The following TEK variants were observed in gnomAD, a reference collection of about 807,000 sequenced individuals.
TEK encodes TEK receptor tyrosine kinase, also known as angiopoietin-1 receptor.
TEK carries 43 observed loss-of-function variants against 131.8 expected under a neutral mutation model. The observed-to-expected ratio is 0.33, with a 90% CI of 0.26 to 0.42. The LOEUF (loss-of-function observed/expected upper bound fraction) is 0.42, where lower values mean the gene tolerates loss of function less well. TEK is among the 10% of genes least tolerant of loss of function. The probability of loss-of-function intolerance (pLI) is 1.00; values close to 1 mark genes in which losing one functional copy is unlikely to be tolerated. For synonymous variants in TEK, 580 were observed against 491.6 expected (o/e 1.18, Z -2.38); for missense variants, 1,162 against 1,384.4 (o/e 0.84, Z 2.55).
chr9:27,185,406 T>A, intron 8 of TEK, 79 bp from the exon 9 acceptor site: 3 of 1,554,774 alleles, frequency 1.9e-6, no homozygotes, highest in Non-Finnish European at 2.7e-6. Flanking sequence ...TATTAAACAA[T>A]GAGATGGGGT....
At chr9:27,219,020 A>T (rs1470256873) in intron 20 of TEK, among the ~76,000 whole-genome samples, 5 of 114,462 alleles carry the variant, frequency 4.4e-5, no homozygotes, top group Non-Finnish European at 1.9e-5. Flanking sequence ...AACACTAATG[A>T]CCTGGAGGCC....
At chr9:27,136,420 G>T (rs1434969474) in intron 1 of TEK, among the ~76,000 whole-genome samples, 1 of 152,112 alleles carries the variant, frequency 6.6e-6, no homozygotes, top group Non-Finnish European at 1.5e-5. Flanking sequence ...CTGAGCTGCG[G>T]CTTCAATTGA....
intron 18 of TEK, among the ~76,000 whole-genome samples, chr9:27,214,488 A>C (rs971006848): frequency 6.6e-5 from 10 of 152,192 alleles, no homozygotes; most frequent in African/African-American, 2.2e-4. Flanking sequence ...TGGGCACACC[A>C]AATTGTCTCT....
rs530378642 is a variant in TEK at position 27,158,258 on chromosome 9, C to T, written c.364+116C>T. The T allele has an allele frequency of 7.8e-4, 944 of 1,214,286 alleles. 7 individuals are homozygous for T. In the South Asian group the frequency reaches 0.011, roughly 14 times the overall value. 75.2% of individuals were successfully genotyped at this position (1,214,286 alleles called of 1,614,324 possible). A position where few individuals can be genotyped will look rare whatever the true frequency, so the allele number is the denominator to read the frequency against. On this transcript the variant is annotated intron_variant, in intron 2 of 22. Transcript: ENST00000380036. ...TGCACTACCTGAATGTAGAGCTTGA[C>T]GATCTTGCCTGTCTCTTTCCATGCA... is the stretch of plus-strand genomic sequence containing the variant.
At chr9:27,177,742 C>T (rs1731560808) in intron 6 of TEK, among the ~76,000 whole-genome samples, 1 of 152,070 alleles carries the variant, frequency 6.6e-6, no homozygotes, top group African/African-American at 2.4e-5. Context: ...AAGAGTGAAA[C>T]TCCATCTCAA....
chr9:27,222,058 G>A (rs558672027), intron 21 of TEK, among the ~76,000 whole-genome samples: 6 of 152,322 alleles, frequency 3.9e-5, no homozygotes, highest in Admixed American at 6.5e-5. Context: ...ACCTGATGGA[G>A]CTAAAAATCA....
intron 19 of TEK, 26 bp downstream of exon 19, chr9:27,217,784 G>T: frequency 1.3e-6 from 2 of 1,497,606 alleles, no homozygotes; most frequent in South Asian, 1.1e-5. Context: ...ATTGCCAAGG[G>T]ATTTTTTTTC....
At chr9:27,224,050 G>A (rs1335560131) in intron 21 of TEK, among the ~76,000 whole-genome samples, 1 of 152,180 alleles carries the variant, frequency 6.6e-6, no homozygotes, top group Non-Finnish European at 1.5e-5. Flanking sequence ...ATCCTCCTAT[G>A]TTTAAACCAG....
In TEK at chr9:27,197,478, C is replaced by G. The variant is rs1003721502; in HGVS notation, c.1788C>G (p.Asn596Lys). The G allele has an allele frequency of 1.2e-6, 2 of 1,614,080 alleles. No homozygotes were observed. The highest frequency in any genetic ancestry group is 1.7e-6 in the Non-Finnish European group (2 of 1,180,006). ...AGCAGAATATTAAAGTTCCAGGCAACTTGACTTCGGTGCTACTTAACAACT... is the reference window on the plus strand; with the variant it reads ...AGCAGAATATTAAAGTTCCAGGCAAGTTGACTTCGGTGCTACTTAACAACT... Reference protein sequence around the residue: ...SDQQNIKVPGNLTSVLLNNLH... With the variant: ...SDQQNIKVPGKLTSVLLNNLH... Residue 596 changes from asparagine to lysine, a missense_variant, in exon 12 of 23, where the codon AAC becomes AAG. Physicochemically the swap from Asn to Lys is moderately conservative, Grantham distance 94. This residue lies in a region of TEK where 477 missense variants were observed against 471.0 expected (regional missense o/e 1.01). Transcript: ENST00000380036.
chr9:27,228,971 G>A (rs771672793), intron 22 of TEK, among the ~76,000 whole-genome samples, 187 bp from the exon 23 acceptor site: 52 of 152,172 alleles, frequency 3.4e-4, no homozygotes, highest in African/African-American at 1.2e-3. Context: ...CTTGCAGAAC[G>A]CAAGGGGATG....
At chr9:27,201,639 A>C (rs182289366) in intron 12 of TEK, among the ~76,000 whole-genome samples, 1 of 152,328 alleles carries the variant, frequency 6.6e-6, no homozygotes, top group East Asian at 1.9e-4. Context: ...CCTAATTCTC[A>C]TAAATTGCCA....
rs762445487 is a variant in TEK at position 27,212,690 on chromosome 9, C to T, written c.2687-17C>T. ...TCAGGGCCACTGATGAGTCGATGCT[C>T]TCTTCCTTCCCTCCAGGCTACTTGT... is the stretch of plus-strand genomic sequence containing the variant. On this transcript the variant is annotated splice_polypyrimidine_tract_variant and intron_variant, in intron 16 of 22. Transcript: ENST00000380036. The T allele has an allele frequency of 6.2e-7, 1 of 1,614,012 alleles. No individual in the cohort carries two copies. The highest frequency in any genetic ancestry group is 8.5e-7 in the Non-Finnish European group (1 of 1,179,948).
At chr9:27,121,888 G>T (rs979592852) in intron 1 of TEK, among the ~76,000 whole-genome samples, 6 of 152,166 alleles carry the variant, frequency 3.9e-5, no homozygotes, top group Admixed American at 3.9e-4. Context: ...AGCATTTTGG[G>T]CGTGTAATTA....
intron 4 of TEK, 99 bp from the exon 5 acceptor site, chr9:27,172,517 C>A: frequency 6.6e-7 from 1 of 1,510,438 alleles, no homozygotes; most frequent in Non-Finnish European, 9.1e-7. Flanking sequence ...TCTTTATTCA[C>A]CATTGTCCAC....
At chr9:27,113,375 GGTCAA>G (rs1295590696) in intron 1 of TEK, among the ~76,000 whole-genome samples, 2 of 152,112 alleles carry the variant, frequency 1.3e-5, no homozygotes, top group African/African-American at 2.4e-5. Flanking sequence ...TGGATCATGA[GGTCAA>G]GAGATCAAGA....
intron 21 of TEK, among the ~76,000 whole-genome samples, chr9:27,226,733 AT>A (rs1168603847): frequency 2.6e-5 from 4 of 152,188 alleles, no homozygotes; most frequent in South Asian, 2.1e-4. Flanking sequence ...TAATAAAAAA[AT>A]AAAGATACAT....
intron 1 of TEK, among the ~76,000 whole-genome samples, chr9:27,141,637 A>G (rs1822728273): frequency 6.6e-6 from 1 of 152,210 alleles, no homozygotes; most frequent in African/African-American, 2.4e-5. Context: ...TCTATTGACT[A>G]CTTGGTTAGC....
chr9:27,140,029 C>T (rs1198012585), intron 1 of TEK, among the ~76,000 whole-genome samples: 1 of 152,140 alleles, frequency 6.6e-6, no homozygotes, highest in Non-Finnish European at 1.5e-5. Flanking sequence ...TTAATGCTAG[C>T]CCATTAGGGT....
intron 21 of TEK, among the ~76,000 whole-genome samples, chr9:27,226,355 G>T (rs1001027688): frequency 1.3e-5 from 2 of 152,150 alleles, no homozygotes; most frequent in African/African-American, 4.8e-5. Flanking sequence ...TGATAAACTG[G>T]ATAAAGAAAA....
Sources: gnomAD v4.1 joint callset for allele counts (sites outside exome capture counted in the v4.1 genomes callset) on GRCh38, gnomAD v4.1.1 for gene constraint, gnomAD v4.1.1 regional missense constraint, MANE v1.5 for transcripts, NCBI Gene and HGNC (gene_info 2026-07-23, HGNC 2026-07-21) for gene names.